The following PSD3 variants were observed in gnomAD, a reference collection of about 807,000 sequenced individuals.
PSD3 encodes pleckstrin and Sec7 domain containing 3.
In PSD3, 49 loss-of-function variants were observed where a neutral mutation model predicts 105.5. That is an observed-to-expected ratio of 0.46 (90% CI 0.37 to 0.59). The LOEUF (loss-of-function observed/expected upper bound fraction) is 0.59, where lower values mean the gene tolerates loss of function less well. Ranked by LOEUF, PSD3 falls within the 20% of genes least tolerant of loss-of-function variation. PSD3 has a pLI of 0.00. For synonymous variants in PSD3, 557 were observed against 457.8 expected, an observed-to-expected ratio of 1.22 and a Z score of -2.77; for missense variants, 1,561 against 1,263.8, an observed-to-expected ratio of 1.24 and a Z score of -3.57.
intron 1 of PSD3, among the ~76,000 whole-genome samples, chr8:19,039,046 G>C (rs1346020113): frequency 6.6e-6 from 1 of 151,988 alleles, no homozygotes; most frequent in Non-Finnish European, 1.5e-5. Context: ...CTTAATCCCC[G>C]GCAATTTGAC....
intron 2 of PSD3, among the ~76,000 whole-genome samples, chr8:18,918,788 T>G (rs1424343967): frequency 6.6e-6 from 1 of 152,060 alleles, no homozygotes; most frequent in Non-Finnish European, 1.5e-5. Context: ...TCAAAGCCTC[T>G]CACCCCACCT....
intron 4 of PSD3, among the ~76,000 whole-genome samples, chr8:18,836,690 C>T (rs1489235257): frequency 6.6e-6 from 1 of 152,054 alleles, no homozygotes; most frequent in South Asian, 2.1e-4. Flanking sequence ...CTACACACAC[C>T]GTCTGGTACA....
chr8:18,893,537 A>C (rs1403070374), intron 2 of PSD3, among the ~76,000 whole-genome samples: 2 of 151,924 alleles, frequency 1.3e-5, no homozygotes, highest in Non-Finnish European at 2.9e-5. Flanking sequence ...CAAACAGTCT[A>C]GTTTCGTCTC....
intron 8 of PSD3, among the ~76,000 whole-genome samples, chr8:18,780,001 C>A (rs756454887): frequency 5.5e-4 from 83 of 152,144 alleles, no homozygotes; most frequent in Non-Finnish European, 9.8e-4. Flanking sequence ...GATGATCAGT[C>A]CAAGGCTGAG....
In PSD3 at chr8:18,932,110, T is replaced by C. The variant is rs151288301; in HGVS notation, c.130+3924A>G. On this transcript the variant is annotated intron_variant, in intron 2 of 15. Transcript: ENST00000327040. ...CGGTTTCCTAACAGCTAAACACTGA[T>C]TGGGTACCACGTGCCAAACCCTGAG... 4.7e-3 allele frequency among the ~76,000 whole-genome samples: 713 copies of C among 152,348 alleles called. 7 individuals are homozygous for C. The highest frequency in any genetic ancestry group is 0.016 in the African/African-American group (673 of 41,572).
At chr8:18,911,024 C>T (rs988945973) in intron 2 of PSD3, among the ~76,000 whole-genome samples, 6 of 152,066 alleles carry the variant, frequency 3.9e-5, no homozygotes, top group Admixed American at 2.6e-4. Context: ...GGAAGGACTG[C>T]ATTAGCCCAG....
intron 1 of PSD3, among the ~76,000 whole-genome samples, chr8:18,959,767 G>A (rs56374762): frequency 2.1e-3 from 317 of 152,222 alleles, no homozygotes; most frequent in Non-Finnish European, 3.3e-3. Flanking sequence ...CTCAAGCCAC[G>A]CCAGCAAGGC....
intron 10 of PSD3, among the ~76,000 whole-genome samples, chr8:18,648,772 G>A (rs961419278): frequency 2.6e-5 from 4 of 152,186 alleles, no homozygotes; most frequent in East Asian, 1.9e-4. Flanking sequence ...GCCAGTCCCC[G>A]GGAAGTTTCA....
intron 10 of PSD3, among the ~76,000 whole-genome samples, chr8:18,646,204 T>C (rs1040212829): frequency 2.0e-5 from 3 of 152,126 alleles, no homozygotes; most frequent in Admixed American, 2.0e-4. Context: ...AAGTTTAAAA[T>C]GAAAATTACT....
upstream of PSD3, among the ~76,000 whole-genome samples, chr8:19,018,198 A>G (rs1827236344): frequency 6.6e-6 from 1 of 152,182 alleles, no homozygotes; most frequent in Non-Finnish European, 1.5e-5. Context: ...ATTATTGACA[A>G]TTTAGGAAAA....
chr8:18,857,891 C>A (rs961744323), intron 4 of PSD3, among the ~76,000 whole-genome samples: 1 of 152,082 alleles, frequency 6.6e-6, no homozygotes, highest in Admixed American at 6.5e-5. Flanking sequence ...CAGTAGAATA[C>A]CTGCAAATAG....
chr8:18,587,025 T>G (rs10110600), intron 12 of PSD3, among the ~76,000 whole-genome samples: 2 of 151,974 alleles, frequency 1.3e-5, no homozygotes, highest in African/African-American at 4.8e-5. Context: ...TCAAACTGAA[T>G]GACACTAACT....
chr8:18,827,174 G>C (rs1214044814), intron 4 of PSD3, among the ~76,000 whole-genome samples: 2 of 152,182 alleles, frequency 1.3e-5, no homozygotes, highest in Non-Finnish European at 2.9e-5. Flanking sequence ...ATAGTCTAGA[G>C]AGTGAACACA....
chr8:18,655,506 TAG>T, intron 10 of PSD3, 134 bp downstream of exon 10: 1 of 812,536 alleles, frequency 1.2e-6, no homozygotes, highest in South Asian at 1.6e-5. Flanking sequence ...AGCCACAAAG[TAG>T]GTAAGACACT....
intron 9 of PSD3, among the ~76,000 whole-genome samples, chr8:18,680,732 A>C (rs186748664): frequency 6.6e-6 from 1 of 152,350 alleles, no homozygotes; most frequent in East Asian, 1.9e-4. Flanking sequence ...AGGGGGTTTT[A>C]AAGAAAATAA....
chr8:18,542,784 T>G (rs1463431276), intron 15 of PSD3, among the ~76,000 whole-genome samples: 3 of 152,182 alleles, frequency 2.0e-5, no homozygotes, highest in African/African-American at 7.2e-5. Flanking sequence ...TGTAGCCCTT[T>G]CAGGTATGTG....
chr8:18,733,370 G>C (rs971085681), intron 9 of PSD3: 3 of 152,360 alleles, frequency 2.0e-5, no homozygotes, highest in African/African-American at 7.2e-5. Context: ...CTGATAAATG[G>C]AGGGGGTAAT....
rs1315987004 is a variant in PSD3, at chr8:18,556,164, G to C, written c.2928+45C>G. The C allele has an allele frequency of 3.1e-6, 5 of 1,604,038 alleles. No individual in the cohort carries two copies. In the East Asian group the frequency reaches 6.7e-5, roughly 22 times the overall value. On this transcript the variant is annotated intron_variant, in intron 15 of 15. Coordinates refer to ENST00000327040, the MANE Select transcript of PSD3 (RefSeq NM_015310.4). ...ATACCGCCTCATGGACAGATCATAA[G>C]AAAACTCAGAAATCAGCATTTACTA...
chr8:18,755,885 T>C (rs1384476419), intron 9 of PSD3, among the ~76,000 whole-genome samples: 1 of 152,148 alleles, frequency 6.6e-6, no homozygotes, highest in Non-Finnish European at 1.5e-5. Context: ...ATCATTATTC[T>C]GCCCATGATG....
Sources: gnomAD v4.1 joint callset for allele counts (sites outside exome capture counted in the v4.1 genomes callset) on GRCh38, gnomAD v4.1.1 for gene constraint, MANE v1.5 for transcripts, NCBI Gene and HGNC (gene_info 2026-07-23, HGNC 2026-07-21) for gene names.